TPD52: variants seen among roughly 807,000 people sequenced by gnomAD.
TPD52 encodes tumor protein D52.
Under a neutral mutation model 31.3 loss-of-function variants are expected in TPD52, and 17 were observed. The ratio of observed to expected loss-of-function variants is 0.54; its 90% CI spans 0.37 to 0.82. The LOEUF (loss-of-function observed/expected upper bound fraction) is 0.82. Among genes scored for constraint, TPD52 ranks in the 40% least tolerant of loss-of-function variants. The pLI is 0.00. For missense variants in TPD52, 212 were observed against 240.1 expected (o/e 0.88, Z 0.77); for synonymous variants, 83 against 89.6 (o/e 0.93, Z 0.42).
At chr8:80,129,933 C>T (rs1283138516) in intron 1 of TPD52, among the ~76,000 whole-genome samples, 1 of 152,216 alleles carries the variant, frequency 6.6e-6, no homozygotes, top group Non-Finnish European at 1.5e-5. Flanking sequence ...CTCTTGACCT[C>T]ATGATCCACT....
At chr8:80,063,399 G>C (rs535046464) in intron 2 of TPD52, among the ~76,000 whole-genome samples, 5 of 152,346 alleles carry the variant, frequency 3.3e-5, no homozygotes, top group African/African-American at 1.2e-4. Flanking sequence ...TGAAGGAGGG[G>C]AGTAGTCAGG....
chr8:80,046,913 AG>A (rs1489820348), intron 5 of TPD52, among the ~76,000 whole-genome samples: 27 of 152,116 alleles, frequency 1.8e-4, no homozygotes, highest in Admixed American at 1.8e-3. Flanking sequence ...ATAAGAGAGG[AG>A]GGGGTAGAGG....
intron 1 of TPD52, among the ~76,000 whole-genome samples, chr8:80,094,043 G>A (rs1019819982): frequency 6.6e-6 from 1 of 152,080 alleles, no homozygotes; most frequent in Non-Finnish European, 1.5e-5. Context: ...AAGGCTCCTT[G>A]TTGACTTTTC....
At chr8:80,166,475 G>A (rs59044898) in intron 1 of TPD52, among the ~76,000 whole-genome samples, 4 of 151,328 alleles carry the variant, frequency 2.6e-5, no homozygotes, top group African/African-American at 7.3e-5. Flanking sequence ...CAGGTGATCC[G>A]CCCGCCTTGG....
intron 1 of TPD52, among the ~76,000 whole-genome samples, chr8:80,069,790 T>C (rs1274512050): frequency 6.6e-6 from 1 of 152,182 alleles, no homozygotes; most frequent in Non-Finnish European, 1.5e-5. Context: ...ACTTCAAGAC[T>C]TCAGAGTCCT....
chr8:80,091,288 G>GAA (rs1816238569), intron 1 of TPD52, among the ~76,000 whole-genome samples: 1 of 152,218 alleles, frequency 6.6e-6, no homozygotes, highest in East Asian at 1.9e-4. Context: ...CTAACACGGT[G>GAA]AAACCCCGTC....
Position 80,080,417 on chromosome 8 carries a change from G to C in TPD52, c.20-15824C>G, listed in dbSNP as rs879432745. On this transcript the variant is annotated intron_variant, in intron 1 of 7. Transcript: ENST00000518937. ...CCTGCATCAAAATCAAACGGGGACT[G>C]GTAGTCCTCATATAAGTCCATCTCT... is the stretch of plus-strand genomic sequence containing the variant. 2 of 1,614,110 alleles carry C rather than the reference G, an allele frequency of 1.2e-6. No individual in the cohort carries two copies. Among genetic ancestry groups the C allele is most frequent in the Admixed American group, 3.3e-5 (2 of 60,022 alleles).
At chr8:80,077,327 A>T (rs1814694001) in intron 1 of TPD52, among the ~76,000 whole-genome samples, 1 of 152,008 alleles carries the variant, frequency 6.6e-6, no homozygotes, top group Non-Finnish European at 1.5e-5. Context: ...TGTAAATAAC[A>T]TTTGGGATAT....
chr8:80,066,499 G>A (rs949421135), intron 1 of TPD52, among the ~76,000 whole-genome samples: 2 of 152,130 alleles, frequency 1.3e-5, no homozygotes, highest in African/African-American at 2.4e-5. Context: ...AATTGCTTCC[G>A]CAGGTCTTCC....
chr8:80,075,996 G>A (rs1472758707), intron 1 of TPD52, among the ~76,000 whole-genome samples: 1 of 152,200 alleles, frequency 6.6e-6, no homozygotes. Context: ...TGATTTTTCA[G>A]TCTTTCTAGA....
chr8:80,083,989 G>A (rs906900755), intron 1 of TPD52, among the ~76,000 whole-genome samples: 2 of 152,130 alleles, frequency 1.3e-5, no homozygotes, highest in African/African-American at 4.8e-5. Flanking sequence ...ACTCCATATG[G>A]AGAAAGCACG....
At chr8:80,129,332 T>C (rs906094089) in intron 1 of TPD52, among the ~76,000 whole-genome samples, 1 of 152,212 alleles carries the variant, frequency 6.6e-6, no homozygotes, top group Non-Finnish European at 1.5e-5. Context: ...ACAATTTGTA[T>C]TAAAATTTAT....
At chr8:80,109,298 C>G (rs1162612963) in intron 1 of TPD52, among the ~76,000 whole-genome samples, 1 of 152,162 alleles carries the variant, frequency 6.6e-6, no homozygotes, top group African/African-American at 2.4e-5. Flanking sequence ...GCAAAACAAA[C>G]TTTAAAAAGA....
intron 5 of TPD52, among the ~76,000 whole-genome samples, chr8:80,045,641 GA>G (rs2130445695): frequency 6.6e-6 from 1 of 152,338 alleles, no homozygotes; most frequent in South Asian, 2.1e-4. Context: ...GAGGTCAGGA[GA>G]GGTGATCATG....
intron 1 of TPD52, among the ~76,000 whole-genome samples, chr8:80,135,040 G>A (rs717342): frequency 0.42 from 63,272 of 149,358 alleles, 13,721 homozygotes; most frequent in East Asian, 0.78. Context: ...TCCAGGAGAC[G>A]TACGCAAGTG....
Position 80,053,311 on chromosome 8 carries a change from T to C in TPD52, c.255A>G (p.Lys85=). ...SLQELKQNIA[K]GWQDVTATSA... ...ATGTTGCTGTCACGTCTTGCCACCC[T>C]TTGGCAATGTTCTGTTTTAGTTCCT... Residue 85 remains lysine, a synonymous_variant, in exon 3 of 8, where the codon AAA becomes AAG. Transcript: ENST00000518937. 6.2e-7 allele frequency: 1 copy of C among 1,613,702 alleles called. No homozygotes were observed. Among genetic ancestry groups the C allele is most frequent in the Non-Finnish European group, 8.5e-7 (1 of 1,179,684 alleles).
At chr8:80,155,961 TG>T (rs968046945) in intron 1 of TPD52, among the ~76,000 whole-genome samples, 3 of 151,956 alleles carry the variant, frequency 2.0e-5, no homozygotes, top group Admixed American at 6.6e-5. Context: ...TGCATTTGTT[TG>T]GGGGGTACAT....
chr8:80,170,188 G>A (rs1811987223), intron 1 of TPD52, among the ~76,000 whole-genome samples: 1 of 152,176 alleles, frequency 6.6e-6, no homozygotes, highest in Non-Finnish European at 1.5e-5. Flanking sequence ...GCTGAGGCGG[G>A]TGGATCACCT....
At chr8:80,076,417 A>G (rs187767081) in intron 1 of TPD52, among the ~76,000 whole-genome samples, 201 of 152,298 alleles carry the variant, frequency 1.3e-3, no homozygotes, top group African/African-American at 4.2e-3. Flanking sequence ...AAAACCAAAC[A>G]GGGCACCTTG....
Sources: allele counts gnomAD v4.1 joint callset (sites outside exome capture counted in the v4.1 genomes callset), GRCh38; gene constraint gnomAD v4.1.1; transcripts MANE v1.5; gene names NCBI Gene and HGNC (gene_info 2026-07-23, HGNC 2026-07-21).